ACER3: variants seen among roughly 807,000 people sequenced by gnomAD.
ACER3 encodes the protein alkCDase 3.
A neutral mutation model predicts 48.9 loss-of-function variants in ACER3; 16 were observed. The observed-to-expected ratio is 0.33, with a 90% CI of 0.22 to 0.50. The LOEUF (loss-of-function observed/expected upper bound fraction) is 0.50, where lower values mean the gene tolerates loss of function less well. ACER3 is among the 20% of genes least tolerant of loss of function. ACER3 has a pLI of 0.98. For synonymous variants in ACER3, 109 were observed against 107.8 expected (o/e 1.01, Z -0.07); for missense variants, 227 against 326.0 (o/e 0.70, Z 2.34).
At chr11:76,998,452 T>G (rs2135258258) in intron 6 of ACER3, 2 of 88,648 alleles carry the variant, frequency 2.3e-5, no homozygotes, top group Non-Finnish European at 4.1e-5. Flanking sequence ...AGCTAAAGAT[T>G]ATGAGGCAAA....
intron 2 of ACER3, among the ~76,000 whole-genome samples, chr11:76,927,292 G>A (rs530546696): frequency 1.3e-5 from 2 of 152,158 alleles, no homozygotes; most frequent in Non-Finnish European, 2.9e-5. Flanking sequence ...TGGCAGTTTA[G>A]TGTTCCTCAA....
rs947467755 is a variant in ACER3 at position 76,863,749 on chromosome 11, C to G, written c.103+2670C>G. ...GCTAAGCACTTCATATATCTTATCT[C>G]TTTTGATCTTTACAGTAATTTCAAA... On this transcript the variant is annotated intron_variant, in intron 1 of 10. Coordinates refer to ENST00000532485, the MANE Select transcript of ACER3 (RefSeq NM_018367.7). 2.0e-5 allele frequency among the ~76,000 whole-genome samples: 3 copies of G among 152,146 alleles called. No individual in the cohort carries two copies. The South Asian group carries it at 6.2e-4, about 32-fold the overall frequency.
intron 1 of ACER3, among the ~76,000 whole-genome samples, chr11:76,922,265 C>T (rs10899315): frequency 0.57 from 86,830 of 152,014 alleles, 27,994 homozygotes; most frequent in Non-Finnish European, 0.74. Context: ...TCCTGCACTC[C>T]CTGCCTCCAG....
chr11:76,897,346 G>A (rs1385369302), intron 1 of ACER3, among the ~76,000 whole-genome samples: 2 of 152,162 alleles, frequency 1.3e-5, no homozygotes, highest in African/African-American at 4.8e-5. Context: ...TAGTGTTAAG[G>A]TTAATTGGAA....
intron 9 of ACER3, among the ~76,000 whole-genome samples, chr11:77,019,080 C>G (rs1247687523): frequency 3.3e-5 from 5 of 152,198 alleles, no homozygotes; most frequent in African/African-American, 1.2e-4. Context: ...GGTTGTGACG[C>G]TCTTGTTTGG....
intron 7 of ACER3, among the ~76,000 whole-genome samples, chr11:77,005,678 C>T (rs529284650): frequency 2.0e-5 from 3 of 151,888 alleles, no homozygotes; most frequent in Admixed American, 2.0e-4. Flanking sequence ...CCAGTCTTTG[C>T]CTTGTCACAT....
rs926214451 is a variant in ACER3, at chr11:77,022,453, G to A, written c.*2126G>A. The A allele has an allele frequency of 6.6e-6, 1 of 152,240 alleles. No individual in the cohort carries two copies. The highest frequency in any genetic ancestry group is 2.4e-5 in the African/African-American group (1 of 41,460). The allele number at this position is 152,240 out of a possible 1,614,324, so 9.4% of individuals were successfully genotyped here. On this transcript the variant is annotated 3_prime_UTR_variant, in exon 11 of 11. Coordinates refer to ENST00000532485, the MANE Select transcript of ACER3 (RefSeq NM_018367.7). ...TTTTCTGTTGGGAGAATGGAAAGCA[G>A]AAAGGGAAGCCAGGCTCTTTAATGT...
intron 2 of ACER3, among the ~76,000 whole-genome samples, chr11:76,940,731 T>G (rs572509944): frequency 1.3e-5 from 2 of 152,306 alleles, no homozygotes; most frequent in South Asian, 4.1e-4. Flanking sequence ...CTTATATCAC[T>G]GTATGTGGTA....
intron 4 of ACER3, among the ~76,000 whole-genome samples, chr11:76,980,340 A>G (rs974311537): frequency 1.3e-5 from 2 of 152,194 alleles, no homozygotes; most frequent in Non-Finnish European, 2.9e-5. Flanking sequence ...TACTGAAAAG[A>G]ATCAGATAAC....
chr11:76,979,514 G>A (rs753134402), intron 4 of ACER3, among the ~76,000 whole-genome samples: 5 of 152,060 alleles, frequency 3.3e-5, no homozygotes, highest in Admixed American at 2.0e-4. Flanking sequence ...TTAGCCAGGC[G>A]TGGTGATGTG....
At chr11:76,985,228 C>T (rs1423329424) in intron 4 of ACER3, among the ~76,000 whole-genome samples, 1 of 152,114 alleles carries the variant, frequency 6.6e-6, no homozygotes, top group African/African-American at 2.4e-5. Flanking sequence ...CTTAGCCTCC[C>T]GAGTAGCTGG....
intron 1 of ACER3, among the ~76,000 whole-genome samples, chr11:76,900,870 C>T (rs1294195286): frequency 5.9e-5 from 9 of 152,126 alleles, no homozygotes; most frequent in African/African-American, 1.9e-4. Context: ...AACCCTTCAC[C>T]CTCTACCTTT....
chr11:77,015,111 C>T lies in ACER3; in HGVS notation c.593C>T (p.Ser198Leu). 1 of 1,468,202 alleles carries T rather than the reference C, an allele frequency of 6.8e-7. No individual in the cohort carries two copies. The highest frequency in any genetic ancestry group is 9.5e-7 in the Non-Finnish European group (1 of 1,049,338). The allele number at this position is 1,468,202 out of a possible 1,614,324, so 90.9% of individuals were successfully genotyped here. A position where few individuals can be genotyped will look rare whatever the true frequency, so the allele number is the denominator to read the frequency against. ...FWNIDNIFCE[S>L]LRNFRKKVPP... ...AATATAGATAACATATTTTGTGAGT[C>T]ACTGAGGTAAGATATATTTTCATTC... The change falls in exon 8 of 11, where the codon TCA (serine) becomes TTA (leucine). Residue 198 changes from serine (S) to leucine (L), a missense_variant. Physicochemically the swap from Ser to Leu is moderately radical, Grantham distance 145 (BLOSUM62 -2). Around this residue, in one of 3 missense-constraint regions of ACER3, gnomAD observed 195 missense variants for 290.8 expected, o/e 0.67. Transcript: ENST00000532485.
intron 3 of ACER3, among the ~76,000 whole-genome samples, chr11:76,971,801 T>C (rs1201968741): frequency 6.6e-6 from 1 of 152,090 alleles, no homozygotes; most frequent in Admixed American, 6.6e-5. Flanking sequence ...TGAAACTTCA[T>C]GGGTAGCAGC....
Position 76,883,696 on chromosome 11 carries a change from C to T in ACER3, c.103+22617C>T, listed in dbSNP as rs143921584. ...CTGACCTCAAGTGATCCACCCACCT[C>T]GGCCCCAAAGTGCTGGGATTACAGG... On this transcript the variant is annotated intron_variant, in intron 1 of 10. Coordinates refer to ENST00000532485, the MANE Select transcript of ACER3 (RefSeq NM_018367.7). 3.9e-3 allele frequency among the ~76,000 whole-genome samples: 587 copies of T among 152,162 alleles called. 6 individuals carry two copies. Among genetic ancestry groups the T allele is most frequent in the African/African-American group, 0.013 (556 of 41,518 alleles).
chr11:76,938,748 A>AT (rs1207499471), intron 2 of ACER3, among the ~76,000 whole-genome samples: 16 of 151,972 alleles, frequency 1.1e-4, no homozygotes, highest in South Asian at 6.2e-4. Context: ...TATCAGCATG[A>AT]TTTTTTTTAT....
intron 1 of ACER3, among the ~76,000 whole-genome samples, chr11:76,908,389 C>A (rs2134708764): frequency 6.6e-6 from 1 of 152,192 alleles, no homozygotes; most frequent in Admixed American, 6.5e-5. Context: ...AGCTGATAAG[C>A]AACTTCAGCA....
intron 2 of ACER3, among the ~76,000 whole-genome samples, chr11:76,954,934 T>C (rs527367677): frequency 6.6e-6 from 1 of 152,294 alleles, no homozygotes; most frequent in East Asian, 1.9e-4. Context: ...TTGTTTAAAG[T>C]TCTGAGACAG....
At chr11:76,911,855 G>A (rs1946386549) in intron 1 of ACER3, among the ~76,000 whole-genome samples, 1 of 152,196 alleles carries the variant, frequency 6.6e-6, no homozygotes, top group Non-Finnish European at 1.5e-5. Flanking sequence ...GATTTGGCAA[G>A]GGGAATGAGG....
Sources: gnomAD v4.1 joint callset for allele counts (sites outside exome capture counted in the v4.1 genomes callset) on GRCh38, gnomAD v4.1.1 for gene constraint, gnomAD v4.1.1 regional missense constraint, MANE v1.5 for transcripts, NCBI Gene and HGNC (gene_info 2026-07-23, HGNC 2026-07-21) for gene names.